GRIP1: variants seen among roughly 807,000 people sequenced by gnomAD.
GRIP1 encodes the protein glutamate receptor interacting protein 1.
Under a neutral mutation model 129.9 loss-of-function variants are expected in GRIP1, and 45 were observed. The ratio of observed to expected loss-of-function variants is 0.35; its 90% CI spans 0.27 to 0.44. The LOEUF (loss-of-function observed/expected upper bound fraction) is 0.44. Among genes scored for constraint, GRIP1 ranks in the 20% least tolerant of loss-of-function variants. The probability of loss-of-function intolerance (pLI) is 1.00; values close to 1 mark genes in which losing one functional copy is unlikely to be tolerated. For synonymous variants in GRIP1, 530 were observed against 520.8 expected (o/e 1.02, Z -0.24); for missense variants, 1,196 against 1,396.8 (o/e 0.86, Z 2.29).
intron 19 of GRIP1, among the ~76,000 whole-genome samples, chr12:66,387,138 C>T (rs951769928): frequency 3.3e-5 from 5 of 152,168 alleles, no homozygotes; most frequent in Non-Finnish European, 7.3e-5. Flanking sequence ...TGGTAGACAA[C>T]TCAGTCTACC....
intron 10 of GRIP1, among the ~76,000 whole-genome samples, 176 bp downstream of exon 10, chr12:66,456,011 T>C (rs1458682145): frequency 6.6e-6 from 1 of 152,130 alleles, no homozygotes; most frequent in Non-Finnish European, 1.5e-5. Flanking sequence ...CATCCTTTCC[T>C]AACAACAAAT....
At chr12:66,843,510 C>A (rs757120477) in intron 1 of GRIP1, among the ~76,000 whole-genome samples, 1 of 151,994 alleles carries the variant, frequency 6.6e-6, no homozygotes, top group Non-Finnish European at 1.5e-5. Flanking sequence ...TACAAACAAT[C>A]ATGAAAAGAC....
intron 5 of GRIP1, among the ~76,000 whole-genome samples, chr12:66,526,328 C>G (rs147093733): frequency 0.024 from 3,589 of 152,080 alleles, 132 homozygotes; most frequent in African/African-American, 0.083. Flanking sequence ...TACAAAAACA[C>G]AGATATAGAT....
At chr12:66,690,470 G>C (rs1260759879) in intron 1 of GRIP1, among the ~76,000 whole-genome samples, 2 of 151,502 alleles carry the variant, frequency 1.3e-5, no homozygotes, top group Non-Finnish European at 1.5e-5. Context: ...ATTGGCTACT[G>C]TGCAATTAAC....
At chr12:66,580,594 C>CCT (rs1467007558) in intron 2 of GRIP1, among the ~76,000 whole-genome samples, 3 of 148,048 alleles carry the variant, frequency 2.0e-5, no homozygotes, top group Non-Finnish European at 4.5e-5. Flanking sequence ...CAAAAAAAGG[C>CCT]AGGGGTTGCA....
intron 1 of GRIP1, among the ~76,000 whole-genome samples, chr12:66,742,833 C>A (rs1477050986): frequency 6.6e-6 from 1 of 151,902 alleles, no homozygotes; most frequent in Non-Finnish European, 1.5e-5. Context: ...CTATTTTTGA[C>A]AATTAAAACC....
intron 1 of GRIP1, among the ~76,000 whole-genome samples, chr12:66,897,115 C>T (rs1364132904): frequency 6.6e-6 from 1 of 152,046 alleles, no homozygotes; most frequent in Non-Finnish European, 1.5e-5. Flanking sequence ...AAAATGTGAA[C>T]AATAATAAAC....
chr12:66,347,688 A>T lies in GRIP1; in HGVS notation c.*1331T>A, dbSNP rs2054032151. On this transcript the variant is annotated 3_prime_UTR_variant, in exon 25 of 25. Coordinates refer to ENST00000359742, the MANE Select transcript of GRIP1 (RefSeq NM_001366722.1). ...TTTTTTCTTAACATGATCCTGCTTTATACTTTCTTGCCCTGGCGGTTCTGA... is the reference window on the plus strand; with the variant it reads ...TTTTTTCTTAACATGATCCTGCTTTTTACTTTCTTGCCCTGGCGGTTCTGA... The T allele has an allele frequency of 6.6e-6, 1 of 152,128 alleles. No homozygotes were observed. Among genetic ancestry groups the T allele is most frequent in the Non-Finnish European group, 1.5e-5 (1 of 68,004 alleles). 9.4% of individuals were successfully genotyped at this position (152,128 alleles called of 1,614,324 possible). A position where few individuals can be genotyped will look rare whatever the true frequency, so the allele number is the denominator to read the frequency against.
chr12:66,569,725 T>C (rs939413681), intron 2 of GRIP1, among the ~76,000 whole-genome samples: 5 of 152,144 alleles, frequency 3.3e-5, no homozygotes, highest in African/African-American at 1.2e-4. Context: ...CCACACTCTG[T>C]GCCTCCAGGA....
chr12:66,549,436 T>G (rs2062054180), intron 2 of GRIP1, among the ~76,000 whole-genome samples: 1 of 152,192 alleles, frequency 6.6e-6, no homozygotes, highest in Non-Finnish European at 1.5e-5. Context: ...TGTGTACTAC[T>G]ATTGAAAAAA....
At chr12:66,660,213 T>C (rs1443312021) in intron 1 of GRIP1, among the ~76,000 whole-genome samples, 1 of 152,202 alleles carries the variant, frequency 6.6e-6, no homozygotes, top group Non-Finnish European at 1.5e-5. Context: ...TTAGTTTGGC[T>C]ATTAAAATGG....
chr12:67,005,857 G>T (rs539414323), intron 1 of GRIP1, among the ~76,000 whole-genome samples: 1 of 152,304 alleles, frequency 6.6e-6, no homozygotes, highest in African/African-American at 2.4e-5. Context: ...AGACCTGAAA[G>T]TATACTTAAC....
intron 1 of GRIP1, among the ~76,000 whole-genome samples, chr12:66,730,701 C>CAAAAAAAAAAAA (rs3051132): frequency 4.2e-5 from 3 of 71,158 alleles, no homozygotes; most frequent in East Asian, 3.8e-4. Flanking sequence ...GGGTCATCTA[C>CAAAAAAAAAAAA]AAAAAAAAAA....
chr12:66,920,313 C>T (rs1441846149), intron 1 of GRIP1, among the ~76,000 whole-genome samples: 1 of 152,094 alleles, frequency 6.6e-6, no homozygotes, highest in Non-Finnish European at 1.5e-5. Context: ...TCCCGCCTAC[C>T]CAGCTTAATG....
intron 1 of GRIP1, among the ~76,000 whole-genome samples, chr12:66,914,228 C>T (rs997437568): frequency 7.2e-5 from 11 of 152,148 alleles, no homozygotes; most frequent in Non-Finnish European, 1.5e-4. Flanking sequence ...GGGGTAGGCA[C>T]ATAATCAATA....
rs551250267 is a variant in GRIP1, at chr12:66,943,962, T to A, written c.58+125088A>T. On this transcript the variant is annotated intron_variant, in intron 1 of 1. Coordinates refer to the GRIP1 transcript ENST00000643019. Reference sequence around the variant, plus strand: ...TGACCCAGGTAAGAAAAAATAATATTCTTTAAATCTATCATCTCTAATCTT... The same window carrying A: ...TGACCCAGGTAAGAAAAAATAATATACTTTAAATCTATCATCTCTAATCTT... 4.6e-5 allele frequency among the ~76,000 whole-genome samples: 7 copies of A among 152,296 alleles called. No homozygotes were observed. The South Asian group carries it at 1.5e-3, about 32-fold the overall frequency.
chr12:66,753,694 T>C (rs370795431), intron 1 of GRIP1, among the ~76,000 whole-genome samples: 26 of 152,230 alleles, frequency 1.7e-4, no homozygotes, highest in African/African-American at 6.0e-4. Context: ...ATTTATTATG[T>C]ATATTTATTA....
At chr12:66,764,406 T>C (rs984648842) in intron 1 of GRIP1, among the ~76,000 whole-genome samples, 1 of 152,204 alleles carries the variant, frequency 6.6e-6, no homozygotes, top group Non-Finnish European at 1.5e-5. Context: ...GCTAGAAAAC[T>C]GCTTTTTCAT....
In GRIP1 at chr12:66,515,626, T is replaced by G; in HGVS notation, c.717A>C (p.Ser239=). Residue 239 remains serine, a synonymous_variant, in exon 7 of 25, where the codon TCA becomes TCC. Transcript: ENST00000359742. The part of the protein sequence containing the change: ...EAALLIEYDV[S]VMDSVATASG... The stretch of plus-strand genomic sequence containing the variant: ...CTCAGGACCCCAACATACCCATTAC[T>G]GAGACATCATATTCTATCAGCAGTG... 6.2e-7 allele frequency: 1 copy of G among 1,613,328 alleles called. No homozygotes were observed. The highest frequency in any genetic ancestry group is 8.5e-7 in the Non-Finnish European group (1 of 1,179,272).
Sources: allele counts gnomAD v4.1 joint callset (sites outside exome capture counted in the v4.1 genomes callset), GRCh38; gene constraint gnomAD v4.1.1; transcripts MANE v1.5; gene names NCBI Gene and HGNC (gene_info 2026-07-23, HGNC 2026-07-21).